The following CERT1 variants were observed in gnomAD, a reference collection of about 807,000 sequenced individuals.
The protein encoded by CERT1 is ceramide transporter 1, also known as ceramide transfer protein.
A neutral mutation model predicts 87.9 loss-of-function variants in CERT1; 31 were observed. That is an observed-to-expected ratio of 0.35 (90% confidence interval 0.27 to 0.48). The LOEUF (loss-of-function observed/expected upper bound fraction) is 0.48, where lower values mean the gene tolerates loss of function less well. Among genes scored for constraint, CERT1 ranks in the 20% least tolerant of loss-of-function variants. CERT1 has a pLI of 0.99. For synonymous variants in CERT1, 289 were observed against 250.9 expected, an observed-to-expected ratio of 1.15 and a Z score of -1.44; for missense variants, 487 against 758.0, an observed-to-expected ratio of 0.64 and a Z score of 4.20.
At chr5:75,448,585 C>T in intron 3 of CERT1, among the ~76,000 whole-genome samples, 1 of 152,144 alleles carries the variant, frequency 6.6e-6, no homozygotes, top group East Asian at 1.9e-4. Context: ...TTTCTCCCAG[C>T]TAATGTCCTA....
chr5:75,420,383 G>A lies in CERT1; in HGVS notation c.596-959C>T, dbSNP rs1173152401. 7.6e-5 allele frequency among the ~76,000 whole-genome samples: 11 copies of A among 145,124 alleles called. No individual in the cohort carries two copies. The South Asian group carries it at 1.3e-3, about 17-fold the overall frequency. ...TTTTGAGGCGGAGTCTTGCTCTGTC[G>A]CCCAGGCTGGAGTGCAGTGGCGCGA... On this transcript the variant is annotated intron_variant, in intron 5 of 16. Coordinates refer to ENST00000643780, the MANE Select transcript of CERT1 (RefSeq NM_001379029.1).
rs1257572223 is a variant in CERT1 at position 75,434,186 on chromosome 5, G to T, written c.349-7708C>A. On this transcript the variant is annotated intron_variant, in intron 3 of 16. Transcript: ENST00000643780. Reference sequence around the variant, plus strand: ...TTCCTTCAATGCCTAGTTTGTTGAGGTTTTTTTTTTTTTTTTTTTATCATG... The same window carrying T: ...TTCCTTCAATGCCTAGTTTGTTGAGTTTTTTTTTTTTTTTTTTTTATCATG... 1.3e-3 allele frequency among the ~76,000 whole-genome samples: 167 copies of T among 126,748 alleles called. 3 individuals are homozygous for T. Among genetic ancestry groups the T allele is most frequent in the African/African-American group, 4.4e-3 (151 of 33,986 alleles). The allele number at this position is 126,748 out of a possible 152,430, so 83.2% of individuals were successfully genotyped here.
intron 5 of CERT1, among the ~76,000 whole-genome samples, chr5:75,422,541 T>TG (rs1373004955): frequency 6.6e-6 from 1 of 152,018 alleles, no homozygotes; most frequent in East Asian, 1.9e-4. Flanking sequence ...TGCTTGGGCC[T>TG]GGGGGGCGGA....
chr5:75,477,575 G>A (rs1050707190), intron 2 of CERT1, among the ~76,000 whole-genome samples: 2 of 138,552 alleles, frequency 1.4e-5, no homozygotes, highest in East Asian at 2.2e-4. Flanking sequence ...CTCATGTCCC[G>A]ACCATAATGA....
At chr5:75,449,692 A>G (rs1265066540) in intron 3 of CERT1, among the ~76,000 whole-genome samples, 1 of 148,740 alleles carries the variant, frequency 6.7e-6, no homozygotes, top group South Asian at 2.2e-4. Context: ...GTCCTCACCA[A>G]CACTTGGTGG....
At position 75,451,642 on chromosome 5, in the gene CERT1, G is replaced by T. The variant is rs147576039; in HGVS notation, c.348+7423C>A. Among the ~76,000 whole-genome samples, 212 of 152,238 alleles carry T rather than the reference G, an allele frequency of 1.4e-3. 1 individual carries two copies. The highest frequency in any genetic ancestry group is 4.2e-3 in the African/African-American group (176 of 41,550). On this transcript the variant is annotated intron_variant, in intron 3 of 16. Coordinates refer to ENST00000643780, the MANE Select transcript of CERT1 (RefSeq NM_001379029.1). The stretch of plus-strand genomic sequence containing the variant: ...TATAAGGCAGATAAGTATAGAGAGG[G>T]TATCTGTTAAAATCCAATATTGATT...
chr5:75,468,089 G>C (rs1765548690), intron 2 of CERT1, among the ~76,000 whole-genome samples: 1 of 152,168 alleles, frequency 6.6e-6, no homozygotes, highest in Admixed American at 6.5e-5. Context: ...ATAATGGATA[G>C]ACATTACTTT....
At chr5:75,464,971 A>G (rs1765399344) in intron 2 of CERT1, among the ~76,000 whole-genome samples, 1 of 152,158 alleles carries the variant, frequency 6.6e-6, no homozygotes, top group Non-Finnish European at 1.5e-5. Context: ...CCTGGTTCCT[A>G]CAGCTAAAAT....
intron 3 of CERT1, among the ~76,000 whole-genome samples, chr5:75,451,799 A>C (rs986371253): frequency 5.9e-5 from 9 of 152,176 alleles, no homozygotes; most frequent in African/African-American, 2.2e-4. Flanking sequence ...CAAAAAAATG[A>C]AAGTGTCAAC....
At chr5:75,478,084 G>A (rs776211380) in intron 2 of CERT1, among the ~76,000 whole-genome samples, 5 of 151,980 alleles carry the variant, frequency 3.3e-5, no homozygotes, top group South Asian at 2.1e-4. Context: ...AGGCTGAGGC[G>A]GGCAGATCAC....
chr5:75,419,487 T>G, intron 5 of CERT1, 63 bp from the exon 6 acceptor site: 1 of 1,100,166 alleles, frequency 9.1e-7, no homozygotes, highest in Non-Finnish European at 1.4e-6. Flanking sequence ...TCTATTCTTA[T>G]GTTCAACTGA....
intron 11 of CERT1, among the ~76,000 whole-genome samples, chr5:75,394,189 A>G (rs1762153317): frequency 6.6e-6 from 1 of 152,162 alleles, no homozygotes; most frequent in African/African-American, 2.4e-5. Context: ...AGCTGGTTCA[A>G]CTTTTCTAAT....
At chr5:75,445,871 C>T (rs1346174505) in intron 3 of CERT1, among the ~76,000 whole-genome samples, 1 of 152,154 alleles carries the variant, frequency 6.6e-6, no homozygotes, top group African/African-American at 2.4e-5. Flanking sequence ...CTTCTGGCTT[C>T]TAAAGTTTCT....
chr5:75,459,203 T>C lies in CERT1; in HGVS notation c.232-22A>G, dbSNP rs112716945. The C allele has an allele frequency of 7.6e-3, 11,124 of 1,462,290 alleles. 379 individuals carry two copies. In the African/African-American group the frequency reaches 0.087, roughly 11 times the overall value. 90.6% of individuals were successfully genotyped at this position (1,462,290 alleles called of 1,614,324 possible). A position where few individuals can be genotyped will look rare whatever the true frequency, so the allele number is the denominator to read the frequency against. ...GAGGCTGTGGAGAAAAAGTAGAAAA[T>C]GAAAAGCAAAGCTAATTATATCCTT... On this transcript the variant is annotated intron_variant, in intron 2 of 16. Coordinates refer to ENST00000643780, the MANE Select transcript of CERT1 (RefSeq NM_001379029.1).
intron 14 of CERT1, among the ~76,000 whole-genome samples, chr5:75,383,521 G>C (rs1761668449): frequency 6.6e-6 from 1 of 151,950 alleles, no homozygotes; most frequent in African/African-American, 2.4e-5. Flanking sequence ...CTAAATTTTA[G>C]ATTTCAAATT....
At chr5:75,474,802 C>T (rs1765883719) in intron 2 of CERT1, among the ~76,000 whole-genome samples, 1 of 151,894 alleles carries the variant, frequency 6.6e-6, no homozygotes, top group African/African-American at 2.4e-5. Context: ...AGCTCCTATG[C>T]CTTCTTCTAC....
chr5:75,507,153 G>A (rs550744871), intron 1 of CERT1, among the ~76,000 whole-genome samples: 2 of 152,148 alleles, frequency 1.3e-5, no homozygotes, highest in Admixed American at 1.3e-4. Context: ...TCTTGAGACA[G>A]GGTCTCGCTC....
chr5:75,381,559 G>A (rs1761586870), intron 15 of CERT1, among the ~76,000 whole-genome samples: 1 of 151,984 alleles, frequency 6.6e-6, no homozygotes, highest in Admixed American at 6.6e-5. Flanking sequence ...AATAGAGATG[G>A]GGTCTAACCA....
chr5:75,455,475 T>G (rs954210196), intron 3 of CERT1, among the ~76,000 whole-genome samples: 2 of 152,194 alleles, frequency 1.3e-5, no homozygotes, highest in Non-Finnish European at 2.9e-5. Context: ...AAAGATGTGT[T>G]TGAGCCTAGT....
Sources: allele counts gnomAD v4.1 joint callset (sites outside exome capture counted in the v4.1 genomes callset), GRCh38; gene constraint gnomAD v4.1.1; transcripts MANE v1.5; gene names NCBI Gene and HGNC (gene_info 2026-07-23, HGNC 2026-07-21).